XRCC4: variants seen among roughly 807,000 people sequenced by gnomAD.
XRCC4 encodes DNA repair protein XRCC4.
In XRCC4, 28 loss-of-function variants were observed where a neutral mutation model predicts 39.1. That is an observed-to-expected ratio of 0.72 (90% CI 0.53 to 0.98). The LOEUF is 0.98. Among genes scored for constraint, XRCC4 ranks in the 50% least tolerant of loss-of-function variants. The pLI is 0.00. For synonymous variants in XRCC4, 123 were observed against 126.4 expected, an observed-to-expected ratio of 0.97 and a Z score of 0.18; for missense variants, 350 against 376.4, an observed-to-expected ratio of 0.93 and a Z score of 0.58.
At chr5:83,170,710 A>G (rs918782091) in intron 3 of XRCC4, among the ~76,000 whole-genome samples, 2 of 138,532 alleles carry the variant, frequency 1.4e-5, no homozygotes, top group African/African-American at 5.5e-5. Flanking sequence ...ACTTGATTTG[A>G]TCAGACCCAA....
At chr5:83,118,991 T>G (rs1379076208) in intron 3 of XRCC4, among the ~76,000 whole-genome samples, 1 of 152,240 alleles carries the variant, frequency 6.6e-6, no homozygotes, top group African/African-American at 2.4e-5. Context: ...GAAGTTTTAT[T>G]TATTTTTTAG....
chr5:83,309,308 T>A (rs1269945134), intron 7 of XRCC4, among the ~76,000 whole-genome samples: 47 of 115,234 alleles, frequency 4.1e-4, no homozygotes, highest in African/African-American at 1.1e-3. Context: ...TATATATATA[T>A]ATATATATAT....
chr5:83,298,685 T>G (rs1755175547), intron 7 of XRCC4, among the ~76,000 whole-genome samples: 3 of 151,958 alleles, frequency 2.0e-5, no homozygotes. Flanking sequence ...GTTTTTATCT[T>G]TTCTATTTTG....
intron 7 of XRCC4, among the ~76,000 whole-genome samples, chr5:83,311,967 G>A (rs1289279831): frequency 2.0e-5 from 3 of 152,110 alleles, no homozygotes; most frequent in Non-Finnish European, 4.4e-5. Flanking sequence ...AAGAAGCCAT[G>A]CTCTAATACA....
At chr5:83,242,233 C>G (rs1364421218) in intron 6 of XRCC4, among the ~76,000 whole-genome samples, 2 of 147,786 alleles carry the variant, frequency 1.4e-5, no homozygotes, top group South Asian at 4.3e-4. Context: ...AACTACTTAC[C>G]CTTGTTTGTT....
intron 2 of XRCC4, among the ~76,000 whole-genome samples, chr5:83,105,323 T>C (rs1423436732): frequency 6.6e-6 from 1 of 152,222 alleles, no homozygotes; most frequent in Non-Finnish European, 1.5e-5. Context: ...GACCTCTTTA[T>C]AGAAAATATA....
intron 3 of XRCC4, among the ~76,000 whole-genome samples, chr5:83,186,152 A>T (rs1750428531): frequency 6.6e-6 from 1 of 152,330 alleles, no homozygotes; most frequent in African/African-American, 2.4e-5. Flanking sequence ...CAATACTTGT[A>T]CTATTGGCAT....
Position 83,258,660 on chromosome 5 carries a change from G to C in XRCC4, c.876G>C (p.Gln292His). The change falls in exon 7 of 8, where the codon CAG (glutamine) becomes CAC (histidine). Residue 292 changes from glutamine to histidine, a missense_variant. Transcript: ENST00000396027. The part of the protein sequence containing the change: ...TEPKMAPQEN[Q>H]LQEKEKPDSS... ...CTAAAATGGCTCCTCAGGAGAATCA[G>C]CTTCAAGAAAAGGAAAAGTAAGTCA... 3.1e-6 allele frequency: 5 copies of C among 1,610,028 alleles called. No individual in the cohort carries two copies. Among genetic ancestry groups the C allele is most frequent in the Non-Finnish European group, 4.2e-6 (5 of 1,178,570 alleles).
At chr5:83,114,012 A>G (rs186238426) in intron 3 of XRCC4, among the ~76,000 whole-genome samples, 194 of 152,310 alleles carry the variant, frequency 1.3e-3, no homozygotes, top group African/African-American at 4.5e-3. Context: ...GCTCAACACC[A>G]TATGGAAGCT....
intron 7 of XRCC4, among the ~76,000 whole-genome samples, chr5:83,288,002 G>T (rs1022612607): frequency 6.6e-6 from 1 of 151,652 alleles, no homozygotes; most frequent in African/African-American, 2.4e-5. Context: ...TAATTTTCAT[G>T]TACTTCAAAG....
At chr5:83,312,946 G>A (rs189296980) in intron 7 of XRCC4, among the ~76,000 whole-genome samples, 2 of 152,114 alleles carry the variant, frequency 1.3e-5, no homozygotes, top group Admixed American at 1.3e-4. Flanking sequence ...TTAGGAAACA[G>A]AACACTTGCA....
chr5:83,248,548 A>G (rs190153317), intron 6 of XRCC4, among the ~76,000 whole-genome samples: 2 of 152,272 alleles, frequency 1.3e-5, no homozygotes, highest in East Asian at 3.9e-4. Context: ...AGTTTTGTGG[A>G]CGGTAACATT....
At chr5:83,260,109 T>C (rs763911768) in intron 7 of XRCC4, among the ~76,000 whole-genome samples, 1 of 152,098 alleles carries the variant, frequency 6.6e-6, no homozygotes, top group Non-Finnish European at 1.5e-5. Flanking sequence ...AAACCCATTG[T>C]GCACTAAATT....
At chr5:83,259,013 G>T (rs534399649) in intron 7 of XRCC4, 3 of 198,278 alleles carry the variant, frequency 1.5e-5, no homozygotes, top group Non-Finnish European at 3.1e-5. Context: ...AAAGAGACCC[G>T]TATGGCATTC....
intron 6 of XRCC4, among the ~76,000 whole-genome samples, chr5:83,243,702 G>A (rs1752995846): frequency 6.6e-6 from 1 of 152,164 alleles, no homozygotes; most frequent in African/African-American, 2.4e-5. Context: ...AGTTTAGTGA[G>A]AATGAGAGCT....
At chr5:83,149,564 T>G (rs1413253902) in intron 3 of XRCC4, among the ~76,000 whole-genome samples, 6 of 152,188 alleles carry the variant, frequency 3.9e-5, no homozygotes, top group Non-Finnish European at 8.8e-5. Flanking sequence ...TTTGAAGCAG[T>G]GATCAAAGAA....
At chr5:83,196,066 GA>G (rs1750933407) in intron 4 of XRCC4, 130 bp downstream of exon 4, 2 of 900,032 alleles carry the variant, frequency 2.2e-6, no homozygotes, top group African/African-American at 3.4e-5. Context: ...AACTGAATAT[GA>G]TTAAACGAAA....
At position 83,203,653 on chromosome 5, in the gene XRCC4, A is replaced by G. The variant is rs1173748737; in HGVS notation, c.584A>G (p.His195Arg). 2 of 1,610,910 alleles carry G rather than the reference A, an allele frequency of 1.2e-6. No individual in the cohort carries two copies. The highest frequency in any genetic ancestry group is 1.3e-5 in the African/African-American group (1 of 74,788). Residue 195 changes from histidine to arginine, a missense_variant, in exon 5 of 8, where the codon CAT (histidine) becomes CGT (arginine). Coordinates refer to ENST00000396027, the MANE Select transcript of XRCC4 (RefSeq NM_003401.5). The stretch of plus-strand genomic sequence containing the variant: ...AAGAAAACAAAAATCAGAAGTTTGC[A>G]TAATAAATTATTAAATGCAGCTCAA... ...NEKKTKIRSLHNKLLNAAQER... is the reference protein window; with the variant it reads ...NEKKTKIRSLRNKLLNAAQER...
intron 3 of XRCC4, among the ~76,000 whole-genome samples, chr5:83,140,805 GATTA>G (rs1183578172): frequency 2.6e-5 from 4 of 151,832 alleles, no homozygotes; most frequent in Non-Finnish European, 4.4e-5. Flanking sequence ...AGCTGGTATT[GATTA>G]ATTATTTACT....
Sources: allele counts gnomAD v4.1 joint callset (sites outside exome capture counted in the v4.1 genomes callset), GRCh38; gene constraint gnomAD v4.1.1; transcripts MANE v1.5; gene names NCBI Gene and HGNC (gene_info 2026-07-23, HGNC 2026-07-21).